Variants in JPH1 observed in about 807,000 individuals in gnomAD.
JPH1 encodes junctophilin-1.
A neutral mutation model predicts 53.6 loss-of-function variants in JPH1; 12 were observed. That is an observed-to-expected ratio of 0.22 (90% CI 0.14 to 0.36). The LOEUF (loss-of-function observed/expected upper bound fraction) is 0.36. Among genes scored for constraint, JPH1 ranks in the 10% least tolerant of loss-of-function variants. The probability of loss-of-function intolerance (pLI) is 1.00; values close to 1 mark genes in which losing one functional copy is unlikely to be tolerated. For missense variants in JPH1, 808 were observed against 905.5 expected (o/e 0.89, Z 1.38); for synonymous variants, 375 against 363.8 (o/e 1.03, Z -0.35).
Position 74,259,395 on chromosome 8 carries a change from G to T in JPH1, c.1248C>A (p.Phe416Leu), listed in dbSNP as rs770500298. The change falls in exon 3 of 6, where the codon TTC (phenylalanine) becomes TTA (leucine). Residue 416 changes from phenylalanine to leucine, a missense_variant. Phe to Leu is a conservative substitution (Grantham distance 22). Transcript: ENST00000342232. ...RAVARELSPD[F>L]YQPGPDYVKQ... Reference sequence around the variant, plus strand: ...GGAGCACTGTTTTACCTGGTTGGTAGAAATCAGGTGACAGCTCCCTGGCCA... The same window carrying T: ...GGAGCACTGTTTTACCTGGTTGGTATAAATCAGGTGACAGCTCCCTGGCCA... The T allele has an allele frequency of 6.2e-7, 1 of 1,612,624 alleles. No individual in the cohort carries two copies. Among genetic ancestry groups the T allele is most frequent in the Non-Finnish European group, 8.5e-7 (1 of 1,178,762 alleles).
chr8:74,282,793 G>A (rs1265401568), intron 2 of JPH1, among the ~76,000 whole-genome samples: 1 of 152,166 alleles, frequency 6.6e-6, no homozygotes, highest in South Asian at 2.1e-4. Context: ...TTTTCGAATA[G>A]CTACAAGAGG....
intron 2 of JPH1, among the ~76,000 whole-genome samples, chr8:74,285,045 G>A (rs568524977): frequency 1.3e-5 from 2 of 152,050 alleles, no homozygotes; most frequent in South Asian, 2.1e-4. Flanking sequence ...GGCTGGTCTC[G>A]AACTCCTGAC....
At chr8:74,278,984 C>CAT (rs1554538351) in intron 2 of JPH1, among the ~76,000 whole-genome samples, 3 of 147,372 alleles carry the variant, frequency 2.0e-5, no homozygotes, top group Non-Finnish European at 4.4e-5. Flanking sequence ...CACACGCACA[C>CAT]GCGCGCACAC....
At chr8:74,273,907 G>A (rs938104999) in intron 2 of JPH1, among the ~76,000 whole-genome samples, 3 of 152,052 alleles carry the variant, frequency 2.0e-5, no homozygotes, top group Admixed American at 2.0e-4. Flanking sequence ...GTTGTTACTT[G>A]AGCCTCTACA....
chr8:74,255,419 T>C (rs951341152), intron 3 of JPH1, among the ~76,000 whole-genome samples: 10 of 152,120 alleles, frequency 6.6e-5, no homozygotes, highest in Admixed American at 2.0e-4. Context: ...GACTTACATG[T>C]TAGACCTGAA....
intron 3 of JPH1, among the ~76,000 whole-genome samples, chr8:74,254,888 TAA>T: frequency 6.6e-6 from 1 of 152,132 alleles, no homozygotes; most frequent in African/African-American, 2.4e-5. Flanking sequence ...CTCAATGAAA[TAA>T]AAGAGGACAC....
At chr8:74,256,602 T>C (rs1276350088) in intron 3 of JPH1, among the ~76,000 whole-genome samples, 2 of 149,524 alleles carry the variant, frequency 1.3e-5, no homozygotes, top group East Asian at 3.9e-4. Flanking sequence ...GGGCGAAGGA[T>C]ATGAACAGAC....
intron 2 of JPH1, among the ~76,000 whole-genome samples, chr8:74,268,718 T>G (rs1271973636): frequency 6.6e-6 from 1 of 152,168 alleles, no homozygotes; most frequent in Non-Finnish European, 1.5e-5. Flanking sequence ...TGTTCACATA[T>G]CAGTGTTGTT....
At position 74,291,504 on chromosome 8, in the gene JPH1, T is replaced by C. The variant is rs538340276; in HGVS notation, c.1139+23357A>G. Among the ~76,000 whole-genome samples, 413 of 152,264 alleles carry C rather than the reference T, an allele frequency of 2.7e-3. 1 individual carries two copies. The highest frequency in any genetic ancestry group is 4.7e-3 in the Admixed American group (72 of 15,292). ...AGGTGCTGGAGAGGATGTGGAGACA[T>C]AGGAACACTTTTACACTGTTGGTGG... On this transcript the variant is annotated intron_variant, in intron 2 of 5. Coordinates refer to ENST00000342232, the MANE Select transcript of JPH1 (RefSeq NM_020647.4).
chr8:74,304,320 C>G (rs1294236625), intron 2 of JPH1, among the ~76,000 whole-genome samples: 2 of 152,160 alleles, frequency 1.3e-5, no homozygotes, highest in Non-Finnish European at 2.9e-5. Context: ...TAAAATGGGC[C>G]TGGGCTACCA....
chr8:74,284,239 G>C (rs1337438844), intron 2 of JPH1, among the ~76,000 whole-genome samples: 1 of 152,162 alleles, frequency 6.6e-6, no homozygotes, highest in Non-Finnish European at 1.5e-5. Context: ...ATCCTCTCTT[G>C]AGACTTATGT....
intron 2 of JPH1, among the ~76,000 whole-genome samples, chr8:74,272,914 T>C (rs1806748072): frequency 1.3e-5 from 2 of 148,494 alleles, no homozygotes; most frequent in African/African-American, 4.9e-5. Context: ...GGACCCTTAG[T>C]TCTGAGATAC....
Position 74,242,752 on chromosome 8 carries a change from G to A in JPH1, c.1905+1777C>T, listed in dbSNP as rs183859541. Among the ~76,000 whole-genome samples the A allele has an allele frequency of 3.1e-3, 469 of 152,356 alleles. 1 individual carries two copies. Among genetic ancestry groups the A allele is most frequent in the African/African-American group, 0.011 (450 of 41,588 alleles). ...CAGTCTAAAGCTCAGGGTAGCTGCG[G>A]AGCTGCTGGGGCTTCCCTTCCCCCT... On this transcript the variant is annotated intron_variant, in intron 4 of 5. Coordinates refer to ENST00000342232, the MANE Select transcript of JPH1 (RefSeq NM_020647.4).
At chr8:74,243,498 G>A (rs1469557367) in intron 4 of JPH1, among the ~76,000 whole-genome samples, 4 of 152,174 alleles carry the variant, frequency 2.6e-5, no homozygotes, top group Non-Finnish European at 5.9e-5. Flanking sequence ...GTTAACAGAG[G>A]AATTTTAATT....
chr8:74,261,595 T>C (rs1210151477), intron 2 of JPH1, among the ~76,000 whole-genome samples: 1 of 152,190 alleles, frequency 6.6e-6, no homozygotes, highest in Non-Finnish European at 1.5e-5. Context: ...ATGGGTGCCA[T>C]TGCTGAGGTA....
At chr8:74,243,900 A>C (rs1805769202) in intron 4 of JPH1, among the ~76,000 whole-genome samples, 1 of 152,240 alleles carries the variant, frequency 6.6e-6, no homozygotes, top group Non-Finnish European at 1.5e-5. Context: ...GAAAACTGAA[A>C]TTGTAAGAGT....
chr8:74,291,047 A>T (rs1031568626), intron 2 of JPH1, among the ~76,000 whole-genome samples: 1 of 152,180 alleles, frequency 6.6e-6, no homozygotes, highest in African/African-American at 2.4e-5. Context: ...AACCTAGGCA[A>T]TACCATTCAG....
chr8:74,296,379 A>T (rs1485343011), intron 2 of JPH1, among the ~76,000 whole-genome samples: 1 of 152,234 alleles, frequency 6.6e-6, no homozygotes. Flanking sequence ...TTCTCATTAA[A>T]AATGATCCTA....
intron 2 of JPH1, among the ~76,000 whole-genome samples, chr8:74,272,600 C>CTT (rs765158506): frequency 1.2e-3 from 136 of 112,608 alleles, no homozygotes; most frequent in Non-Finnish European, 1.4e-3. Flanking sequence ...ACCCTTAGTT[C>CTT]TTTTTTTTTT....
Sources: gnomAD v4.1 joint callset for allele counts (sites outside exome capture counted in the v4.1 genomes callset) on GRCh38, gnomAD v4.1.1 for gene constraint, MANE v1.5 for transcripts, NCBI Gene and HGNC (gene_info 2026-07-23, HGNC 2026-07-21) for gene names.